Variants in SV2B observed in about 807,000 individuals in gnomAD.
SV2B encodes synaptic vesicle glycoprotein 2B, also known as solute carrier family 22 member B2.
SV2B carries 41 observed loss-of-function variants against 73.9 expected under a neutral mutation model. The ratio of observed to expected loss-of-function variants is 0.56; its 90% CI spans 0.43 to 0.72. The LOEUF (loss-of-function observed/expected upper bound fraction) is 0.72, where lower values mean the gene tolerates loss of function less well. Among genes scored for constraint, SV2B ranks in the 30% least tolerant of loss-of-function variants. The probability of loss-of-function intolerance (pLI) is 0.00; values close to 1 mark genes in which losing one functional copy is unlikely to be tolerated. For synonymous variants in SV2B, 314 were observed against 314.2 expected, an observed-to-expected ratio of 1.00 and a Z score of 0.01; for missense variants, 764 against 857.8, an observed-to-expected ratio of 0.89 and a Z score of 1.37.
In SV2B at chr15:91,265,807, C is replaced by T. The variant is rs1217157420; in HGVS notation, c.1009-775C>T. 6.6e-6 allele frequency among the ~76,000 whole-genome samples: 1 copy of T among 152,214 alleles called. No individual in the cohort carries two copies. Among genetic ancestry groups the T allele is most frequent in the Non-Finnish European group, 1.5e-5 (1 of 68,042 alleles). ...TCCTTGACATTTCTGGGAAGAGAGC[C>T]TATGCCTTTAGCAGATTCTCAAATT... is the stretch of plus-strand genomic sequence containing the variant. On this transcript the variant is annotated intron_variant, in intron 6 of 12. Transcript: ENST00000394232. The surrounding 1 kb of genome is among the most constrained non-coding windows in gnomAD (Gnocchi z 4.2).
Position 91,242,888 on chromosome 15 carries a change from A to G in SV2B, c.452-8931A>G, listed in dbSNP as rs1013636877. On this transcript the variant is annotated intron_variant, in intron 2 of 12. Transcript: ENST00000394232. The surrounding 1 kb of genome is among the most constrained non-coding windows in gnomAD (Gnocchi z 4.9). The stretch of plus-strand genomic sequence containing the variant: ...TAAAACTCAGAGATTTTATTTAGCA[A>G]TCTAGATTTCTGGTTCTTTTTGAAA... Among the ~76,000 whole-genome samples, 3 of 152,200 alleles carry G rather than the reference A, an allele frequency of 2.0e-5. No individual in the cohort carries two copies. Among genetic ancestry groups the G allele is most frequent in the African/African-American group, 4.8e-5 (2 of 41,464 alleles).
At chr15:91,200,365 A>G (rs779660998) in intron 1 of SV2B, among the ~76,000 whole-genome samples, 1 of 152,216 alleles carries the variant, frequency 6.6e-6, no homozygotes, top group African/African-American at 2.4e-5. Flanking sequence ...AACATGTTCA[A>G]ATATAATTAG....
intron 1 of SV2B, among the ~76,000 whole-genome samples, chr15:91,158,680 T>TTCC (rs2043584933): frequency 4.9e-5 from 3 of 61,226 alleles, no homozygotes; most frequent in African/African-American, 2.0e-4. Context: ...TCTTCTCTTC[T>TTCC]CTTCTCTTCT....
chr15:91,286,172 A>C (rs927840011), intron 11 of SV2B, among the ~76,000 whole-genome samples: 1 of 152,154 alleles, frequency 6.6e-6, no homozygotes, highest in African/African-American at 2.4e-5. Flanking sequence ...TAAAAGGCCT[A>C]CATGCAGTGG....
chr15:91,178,757 A>T (rs1423069382), intron 1 of SV2B, among the ~76,000 whole-genome samples: 2 of 147,628 alleles, frequency 1.4e-5, no homozygotes, highest in East Asian at 2.0e-4. Context: ...ATCATTTTTT[A>T]TTGTGTCTAT....
In SV2B at chr15:91,258,507, A is replaced by G. The variant is rs1221848528; in HGVS notation, c.871A>G (p.Met291Val). Residue 291 changes from methionine (M) to valine (V), a missense_variant, in exon 5 of 13, where the codon ATG becomes GTG. Physicochemically the swap from Met to Val is conservative, Grantham distance 21. Coordinates refer to ENST00000394232, the MANE Select transcript of SV2B (RefSeq NM_001323032.3). The surrounding 1 kb of genome is among the most constrained non-coding windows in gnomAD (Gnocchi z 4.7). The part of the protein sequence containing the change: ...IVCALPCTVS[M>V]VALKFMPESP... Reference sequence around the variant, plus strand: ...CTGTGCTCTGCCCTGCACCGTGTCCATGGTGGCCCTGAAGTTCATGCCAGA... The same window carrying G: ...CTGTGCTCTGCCCTGCACCGTGTCCGTGGTGGCCCTGAAGTTCATGCCAGA... The G allele has an allele frequency of 1.2e-6, 2 of 1,614,100 alleles. No homozygotes were observed. Among genetic ancestry groups the G allele is most frequent in the Non-Finnish European group, 1.7e-6 (2 of 1,179,970 alleles).
At chr15:91,147,294 C>T (rs2043173450) in intron 1 of SV2B, among the ~76,000 whole-genome samples, 3 of 152,174 alleles carry the variant, frequency 2.0e-5, no homozygotes, top group African/African-American at 7.2e-5. Flanking sequence ...CCTGCAGGTC[C>T]TTCTGACCTG....
intron 1 of SV2B, among the ~76,000 whole-genome samples, chr15:91,210,310 T>C (rs7170681): frequency 0.14 from 20,749 of 151,648 alleles, 3,553 homozygotes; most frequent in African/African-American, 0.4. Flanking sequence ...GAGCCGTAAC[T>C]GGGCAGCAGG....
intron 1 of SV2B, among the ~76,000 whole-genome samples, chr15:91,163,225 C>T (rs954966045): frequency 1.3e-5 from 2 of 152,170 alleles, no homozygotes; most frequent in Admixed American, 1.3e-4. Flanking sequence ...AATAAACATA[C>T]GTGTGCATGT....
intron 1 of SV2B, among the ~76,000 whole-genome samples, chr15:91,185,284 A>G (rs1415429265): frequency 6.6e-6 from 1 of 152,160 alleles, no homozygotes; most frequent in Non-Finnish European, 1.5e-5. Flanking sequence ...TTCAAAATCA[A>G]ATTTATTTTG....
At chr15:91,273,841 T>C (rs1341898735) in intron 9 of SV2B, among the ~76,000 whole-genome samples, 1 of 152,222 alleles carries the variant, frequency 6.6e-6, no homozygotes, top group African/African-American at 2.4e-5. Flanking sequence ...TTGTCATAAG[T>C]TTGGTGCTTT....
rs764740550 is a variant in SV2B at position 91,261,132 on chromosome 15, G to A, written c.1008+723G>A. ...AAAAAAATCAGCTGGGCATGGTGGC[G>A]GGTACCTAAAATCCCAGCTACTCAG... is the stretch of plus-strand genomic sequence containing the variant. On this transcript the variant is annotated intron_variant, in intron 6 of 12. Transcript: ENST00000394232. This position sits in a 1 kb window ranked among gnomAD's most constrained non-coding sequence, Gnocchi z 4.7. Among the ~76,000 whole-genome samples, 19 of 152,026 alleles carry A rather than the reference G, an allele frequency of 1.2e-4. No homozygotes were observed. Among genetic ancestry groups the A allele is most frequent in the Non-Finnish European group, 2.5e-4 (17 of 67,998 alleles).
At chr15:91,143,423 C>T (rs77286987) in intron 1 of SV2B, among the ~76,000 whole-genome samples, 13,923 of 152,114 alleles carry the variant, frequency 0.092, 753 homozygotes, top group Middle Eastern at 0.12. Flanking sequence ...CTGCTGGTGG[C>T]GCTTGCGGCG....
rs2046436923 is a variant in SV2B at position 91,227,945 on chromosome 15, G to A, written c.451+1231G>A. On this transcript the variant is annotated intron_variant, in intron 2 of 12. Coordinates refer to ENST00000394232, the MANE Select transcript of SV2B (RefSeq NM_001323032.3). This position sits in a 1 kb window ranked among gnomAD's most constrained non-coding sequence, Gnocchi z 4.5. Reference sequence around the variant, plus strand: ...GTCACAATCACTCAACTCTGTCACTGTAGCACAATAGCAGCTTTGAACAAC... The same window carrying A: ...GTCACAATCACTCAACTCTGTCACTATAGCACAATAGCAGCTTTGAACAAC... Among the ~76,000 whole-genome samples, 1 of 152,212 alleles carries A rather than the reference G, an allele frequency of 6.6e-6. No individual in the cohort carries two copies. The highest frequency in any genetic ancestry group is 1.5e-5 in the Non-Finnish European group (1 of 68,036).
chr15:91,198,559 C>T (rs900775676), intron 1 of SV2B, among the ~76,000 whole-genome samples: 1 of 150,832 alleles, frequency 6.6e-6, no homozygotes, highest in Non-Finnish European at 1.5e-5. Context: ...TGGAGTATTA[C>T]GTTTGTACCA....
At chr15:91,157,416 G>T (rs943189503) in intron 1 of SV2B, among the ~76,000 whole-genome samples, 1 of 152,126 alleles carries the variant, frequency 6.6e-6, no homozygotes, top group African/African-American at 2.4e-5. Context: ...TCCCCCACAA[G>T]AGGAAATGTT....
rs2042364226 is a variant in SV2B, at chr15:91,122,344, A to C, written c.-392+21981A>C. Among the ~76,000 whole-genome samples the C allele has an allele frequency of 6.6e-6, 1 of 152,312 alleles. No homozygotes were observed. The highest frequency in any genetic ancestry group is 2.1e-4 in the South Asian group (1 of 4,830). On this transcript the variant is annotated intron_variant, in intron 1 of 12. Transcript: ENST00000394232. This position sits in a 1 kb window ranked among gnomAD's most constrained non-coding sequence, Gnocchi z 4.3. The stretch of plus-strand genomic sequence containing the variant: ...ATTAAGTCATGCTGTACACAAATGG[A>C]GTCTCCAGACATCCTCCCTGGGGAA...
chr15:91,257,920 T>G (rs1460965589), intron 4 of SV2B, among the ~76,000 whole-genome samples: 1 of 152,186 alleles, frequency 6.6e-6, no homozygotes, highest in Non-Finnish European at 1.5e-5. Context: ...ATGAGGTCCC[T>G]TATTTGGAAG....
In SV2B at chr15:91,234,933, A is replaced by C. The variant is rs949316504; in HGVS notation, c.451+8219A>C. ...AAAACGTCACTGTGGCCCATCAGTC[A>C]GAGTAGGAGCTTATGGTGGTTAGGT... On this transcript the variant is annotated intron_variant, in intron 2 of 12. Coordinates refer to ENST00000394232, the MANE Select transcript of SV2B (RefSeq NM_001323032.3). The surrounding 1 kb of genome is among the most constrained non-coding windows in gnomAD (Gnocchi z 5.6). 6.6e-6 allele frequency among the ~76,000 whole-genome samples: 1 copy of C among 152,228 alleles called. No individual in the cohort carries two copies. Among genetic ancestry groups the C allele is most frequent in the Non-Finnish European group, 1.5e-5 (1 of 68,032 alleles).
Sources: allele counts gnomAD v4.1 joint callset (sites outside exome capture counted in the v4.1 genomes callset), GRCh38; gene constraint gnomAD v4.1.1; non-coding constraint Gnocchi (gnomAD v3.1); transcripts MANE v1.5; gene names NCBI Gene and HGNC (gene_info 2026-07-23, HGNC 2026-07-21).